Variants in ROCK2 observed in about 807,000 individuals in gnomAD.
ROCK2 encodes rho-associated protein kinase 2.
A neutral mutation model predicts 195.1 loss-of-function variants in ROCK2; 61 were observed. That is an observed-to-expected ratio of 0.31 (90% CI 0.25 to 0.39). ROCK2 has a LOEUF of 0.39. Ranked by LOEUF, ROCK2 falls within the 10% of genes least tolerant of loss-of-function variation. The pLI, the probability that ROCK2 is intolerant of heterozygous loss-of-function variation, is 1.00. For missense variants in ROCK2, 1,109 were observed against 1,637.4 expected (o/e 0.68, Z 5.57); for synonymous variants, 504 against 545.5 (o/e 0.92, Z 1.06).
intron 3 of ROCK2, 90 bp from the exon 4 acceptor site, chr2:11,249,888 T>C: frequency 9.1e-7 from 1 of 1,102,986 alleles, no homozygotes; most frequent in Non-Finnish European, 1.2e-6. Flanking sequence ...ATTAAAGACT[T>C]CAGTTACAAA....
At chr2:11,221,408 AC>A (rs1416267891) in intron 8 of ROCK2, 51 bp from the exon 9 acceptor site, 2 of 1,307,716 alleles carry the variant, frequency 1.5e-6, no homozygotes, top group Non-Finnish European at 2.1e-6. Context: ...AAATATATAA[AC>A]CATCCTATTT....
intron 3 of ROCK2, among the ~76,000 whole-genome samples, chr2:11,266,152 A>T (rs1051786750): frequency 6.6e-6 from 1 of 152,310 alleles, no homozygotes; most frequent in Admixed American, 6.5e-5. Context: ...TGGAGCTGGC[A>T]TTTCCTATGG....
At chr2:11,315,332 T>C (rs1668157529) in intron 1 of ROCK2, among the ~76,000 whole-genome samples, 1 of 151,972 alleles carries the variant, frequency 6.6e-6, no homozygotes, top group African/African-American at 2.4e-5. Context: ...CTTCAGAGTG[T>C]TTTGTTGTTG....
At chr2:11,285,395 C>T (rs1441865056) in intron 3 of ROCK2, among the ~76,000 whole-genome samples, 2 of 152,016 alleles carry the variant, frequency 1.3e-5, no homozygotes, top group Non-Finnish European at 2.9e-5. Flanking sequence ...AGTTATAAAG[C>T]TTGCCTACCC....
chr2:11,220,079 C>T (rs558047531), intron 9 of ROCK2, among the ~76,000 whole-genome samples: 22 of 152,224 alleles, frequency 1.4e-4, no homozygotes, highest in African/African-American at 5.1e-4. Context: ...TGCAATGGCA[C>T]GATCTCGTTT....
At chr2:11,224,082 A>G (rs1664728661) in intron 7 of ROCK2, among the ~76,000 whole-genome samples, 1 of 152,062 alleles carries the variant, frequency 6.6e-6, no homozygotes, top group Non-Finnish European at 1.5e-5. Flanking sequence ...ACCACGTTCT[A>G]TTTTTTCCTT....
rs545886413 is a variant in ROCK2 at position 11,193,910 on chromosome 2, A to G, written c.3609-53T>C. On this transcript the variant is annotated intron_variant, in intron 29 of 32. Transcript: ENST00000315872. ...AAATATCACCCAAGGATCAAATTATATATTAATTATTCTATACTTACATCA... is the reference window on the plus strand; with the variant it reads ...AAATATCACCCAAGGATCAAATTATGTATTAATTATTCTATACTTACATCA... The G allele has an allele frequency of 3.5e-4, 345 of 974,310 alleles. 1 individual carries two copies. In the African/African-American group the frequency reaches 5.1e-3, roughly 14 times the overall value. 60.4% of individuals were successfully genotyped at this position (974,310 alleles called of 1,614,324 possible).
At chr2:11,238,245 T>TGTGTGTGTC (rs11377542) in intron 4 of ROCK2, among the ~76,000 whole-genome samples, 1 of 38,428 alleles carries the variant, frequency 2.6e-5, no homozygotes, top group African/African-American at 7.2e-5. Context: ...TGTGTGTCTG[T>TGTGTGTGTC]TGTGTGTGTC....
intron 1 of ROCK2, among the ~76,000 whole-genome samples, chr2:11,301,827 G>A (rs1006675018): frequency 7.3e-5 from 11 of 150,370 alleles, no homozygotes; most frequent in African/African-American, 1.7e-4. Context: ...AATAAGCAAC[G>A]CCATTCTATG....
At chr2:11,224,853 G>A (rs1231637640) in intron 6 of ROCK2, among the ~76,000 whole-genome samples, 2 of 151,916 alleles carry the variant, frequency 1.3e-5, no homozygotes, top group African/African-American at 4.8e-5. Context: ...TCATTCTCTA[G>A]AGATATGTTA....
At position 11,183,120 on chromosome 2, in the gene ROCK2, GCCTTTAA is replaced by G; in HGVS notation, c.*310_*316del. 1 of 247,502 alleles carries G rather than the reference GCCTTTAA, an allele frequency of 4.0e-6. No homozygotes were observed. The highest frequency in any genetic ancestry group is 7.8e-6 in the Non-Finnish European group (1 of 128,780). The allele number at this position is 247,502 out of a possible 1,614,324, so 15.3% of individuals were successfully genotyped here. On this transcript the variant is annotated 3_prime_UTR_variant, in exon 33 of 33. Transcript: ENST00000315872. The stretch of plus-strand genomic sequence containing the variant: ...GAAGCTAGAAAAGATGTTTTCTTTA[GCCTTTAA>G]CTCTTCTCAATCCTTGTGTGCATTG...
chr2:11,279,789 A>T (rs759721516), intron 3 of ROCK2, among the ~76,000 whole-genome samples: 38 of 152,222 alleles, frequency 2.5e-4, no homozygotes, highest in Non-Finnish European at 4.3e-4. Context: ...GGGCCACGAA[A>T]CACACCGTAA....
chr2:11,330,742 G>GAGT (rs1294051936), intron 1 of ROCK2, among the ~76,000 whole-genome samples: 1 of 26,538 alleles, frequency 3.8e-5, no homozygotes, highest in Non-Finnish European at 1.3e-4. Context: ...GATGAGGAGG[G>GAGT]AGGAGGGAGG....
At chr2:11,321,880 T>G (rs928731185) in intron 1 of ROCK2, among the ~76,000 whole-genome samples, 3 of 152,076 alleles carry the variant, frequency 2.0e-5, no homozygotes, top group African/African-American at 2.4e-5. Flanking sequence ...AATTCACGAG[T>G]TGAAGTCCTA....
intron 4 of ROCK2, among the ~76,000 whole-genome samples, chr2:11,240,747 G>T (rs1665394956): frequency 6.6e-6 from 1 of 152,198 alleles, no homozygotes; most frequent in Non-Finnish European, 1.5e-5. Flanking sequence ...CTTCACGCAG[G>T]TGAATTTTAT....
In ROCK2 at chr2:11,229,722, A is replaced by G. The variant is rs575894120; in HGVS notation, c.724-2324T>C. ...AAAATAAACTAAGTAACTATGGAAAATAACATCTTAACACAATACTGTAAG... is the reference window on the plus strand; with the variant it reads ...AAAATAAACTAAGTAACTATGGAAAGTAACATCTTAACACAATACTGTAAG... On this transcript the variant is annotated intron_variant, in intron 5 of 32. Coordinates refer to ENST00000315872, the MANE Select transcript of ROCK2 (RefSeq NM_004850.5). 3.3e-5 allele frequency among the ~76,000 whole-genome samples: 5 copies of G among 152,298 alleles called. No individual in the cohort carries two copies. In the South Asian group the frequency reaches 1.0e-3, roughly 32 times the overall value.
intron 3 of ROCK2, among the ~76,000 whole-genome samples, chr2:11,263,374 G>GCA (rs911456846): frequency 2.0e-5 from 3 of 152,032 alleles, no homozygotes; most frequent in African/African-American, 7.2e-5. Flanking sequence ...TGATCTGGTT[G>GCA]CACACACACA....
rs756323979 is a variant in ROCK2 at position 11,192,424 on chromosome 2, C to T, written c.3949+27G>A. ...AAAATGATCTGAACATAACCAATAT[C>T]GATGGAGCAAGTAATTTATCATTTA... On this transcript the variant is annotated intron_variant, in intron 31 of 32. Coordinates refer to ENST00000315872, the MANE Select transcript of ROCK2 (RefSeq NM_004850.5). This position sits in a 1 kb window ranked among gnomAD's most constrained non-coding sequence, Gnocchi z 5.0. The T allele has an allele frequency of 1.1e-5, 17 of 1,611,458 alleles. No individual in the cohort carries two copies. Among genetic ancestry groups the T allele is most frequent in the Admixed American group, 5.0e-5 (3 of 59,664 alleles).
intron 5 of ROCK2, among the ~76,000 whole-genome samples, chr2:11,232,627 G>A (rs762820018): frequency 1.3e-4 from 20 of 152,106 alleles, no homozygotes; most frequent in Admixed American, 5.9e-4. Context: ...TATTGCTTGA[G>A]GAATGGAGAT....
Sources: allele counts gnomAD v4.1 joint callset (sites outside exome capture counted in the v4.1 genomes callset), GRCh38; gene constraint gnomAD v4.1.1; non-coding constraint Gnocchi (gnomAD v3.1); transcripts MANE v1.5; gene names NCBI Gene and HGNC (gene_info 2026-07-23, HGNC 2026-07-21).